The following ENTPD3 variants were observed in gnomAD, a reference collection of about 807,000 sequenced individuals.
ENTPD3 encodes the protein CD39 antigen-like 3.
In ENTPD3, 60 loss-of-function variants were observed where a neutral mutation model predicts 51.2. The ratio of observed to expected loss-of-function variants is 1.17; its 90% confidence interval spans 0.95 to 1.45. ENTPD3 has a LOEUF of 1.45. Among genes scored for constraint, ENTPD3 ranks in the 40% most tolerant of loss-of-function variants. The probability of loss-of-function intolerance (pLI) is 0.00; values close to 1 mark genes in which losing one functional copy is unlikely to be tolerated. For synonymous variants in ENTPD3, 221 were observed against 238.4 expected (o/e 0.93, Z 0.67); for missense variants, 593 against 641.1 (o/e 0.93, Z 0.81).
At chr3:40,409,201 G>A (rs1026386132) in intron 4 of ENTPD3, among the ~76,000 whole-genome samples, 1 of 151,966 alleles carries the variant, frequency 6.6e-6, no homozygotes, top group Admixed American at 6.6e-5. Flanking sequence ...GTAGTGAGCC[G>A]AGATCATGCC....
intron 3 of ENTPD3, among the ~76,000 whole-genome samples, chr3:40,398,695 G>C (rs1024386293): frequency 6.6e-6 from 1 of 152,124 alleles, no homozygotes; most frequent in African/African-American, 2.4e-5. Context: ...ATAATGGAGA[G>C]GCTATGATTC....
In ENTPD3 at chr3:40,428,136, A is replaced by C. The variant is rs1281551221; in HGVS notation, c.*628A>C. Reference sequence around the variant, plus strand: ...CCAGAAAACTATAGACCATTCTCCAAGTGGAATTCCCACTTAGGGCTCTGG... The same window carrying C: ...CCAGAAAACTATAGACCATTCTCCACGTGGAATTCCCACTTAGGGCTCTGG... On this transcript the variant is annotated 3_prime_UTR_variant, in exon 11 of 11. Transcript: ENST00000301825. 1 of 153,970 alleles carries C rather than the reference A, an allele frequency of 6.5e-6. No individual in the cohort carries two copies. Among genetic ancestry groups the C allele is most frequent in the African/African-American group, 2.4e-5 (1 of 41,448 alleles). The allele number at this position is 153,970 out of a possible 1,614,324, so 9.5% of individuals were successfully genotyped here. A position where few individuals can be genotyped will look rare whatever the true frequency, so the allele number is the denominator to read the frequency against.
At chr3:40,423,793 T>C in intron 9 of ENTPD3, 33 bp from the exon 10 acceptor site, 2 of 1,609,394 alleles carry the variant, frequency 1.2e-6, no homozygotes, top group Non-Finnish European at 1.7e-6. Flanking sequence ...CATACCTGCC[T>C]GCCCTGCCTC....
At chr3:40,420,526 AC>A (rs1955845581) in intron 7 of ENTPD3, among the ~76,000 whole-genome samples, 1 of 152,076 alleles carries the variant, frequency 6.6e-6, no homozygotes, top group South Asian at 2.1e-4. Flanking sequence ...CGTGTGAGCC[AC>A]CACGCCCCGC....
At chr3:40,404,907 C>T (rs572535361) in intron 4 of ENTPD3, among the ~76,000 whole-genome samples, 1 of 152,298 alleles carries the variant, frequency 6.6e-6, no homozygotes, top group South Asian at 2.1e-4. Context: ...TATCAACCCC[C>T]AGTTGCTACT....
intron 3 of ENTPD3, 80 bp downstream of exon 3, chr3:40,392,230 A>G (rs2125587523): frequency 6.5e-7 from 1 of 1,532,110 alleles, no homozygotes; most frequent in East Asian, 2.3e-5. Context: ...ACCATGAGTT[A>G]GAAGAGCAGA....
At chr3:40,424,863 G>T in intron 10 of ENTPD3, 1 of 689,410 alleles carries the variant, frequency 1.5e-6, no homozygotes, top group South Asian at 1.5e-5. Context: ...TCCTGCATTA[G>T]GCCTCTGACT....
In ENTPD3 at chr3:40,410,703, G is replaced by A. The variant is rs540069484; in HGVS notation, c.287-1109G>A. 1.6e-4 allele frequency among the ~76,000 whole-genome samples: 24 copies of A among 152,120 alleles called. No homozygotes were observed. The South Asian group carries it at 4.6e-3, about 29-fold the overall frequency. On this transcript the variant is annotated intron_variant, in intron 4 of 10. Transcript: ENST00000301825. ...TTAATTGAACTATGAGGGTACAATC[G>A]ACAAACTCTAGACTGTGGAAATTCT... is the stretch of plus-strand genomic sequence containing the variant.
chr3:40,406,332 G>A (rs1306603689), intron 4 of ENTPD3, among the ~76,000 whole-genome samples: 2 of 152,168 alleles, frequency 1.3e-5, no homozygotes, highest in African/African-American at 2.4e-5. Context: ...GAAGAAAGAT[G>A]AGAAATGAGA....
intron 10 of ENTPD3, chr3:40,425,093 A>G (rs1575236313): frequency 4.2e-6 from 1 of 236,394 alleles, no homozygotes; most frequent in East Asian, 8.9e-5. Context: ...AATTATAAAG[A>G]ATTTTGTGTC....
Position 40,423,081 on chromosome 3 carries a change from T to C in ENTPD3, c.1063T>C (p.Phe355Leu). The C allele has an allele frequency of 6.2e-7, 1 of 1,614,008 alleles. No individual in the cohort carries two copies. Among genetic ancestry groups the C allele is most frequent in the Non-Finnish European group, 8.5e-7 (1 of 1,179,932 alleles). ...KACHDQETCS[F>L]DGVYQPKIKG... is the part of the protein sequence containing the mutation. The stretch of plus-strand genomic sequence containing the variant: ...TTGCCATGATCAAGAAACCTGTTCT[T>C]TTGATGGGGTTTATCAGCCAAAGAT... Residue 355 changes from phenylalanine (F) to leucine (L), a missense_variant, in exon 8 of 11, where the codon TTT becomes CTT. Coordinates refer to ENST00000301825, the MANE Select transcript of ENTPD3 (RefSeq NM_001248.4).
intron 7 of ENTPD3, among the ~76,000 whole-genome samples, chr3:40,421,759 G>A (rs184134426): frequency 4.7e-4 from 72 of 152,194 alleles, no homozygotes; most frequent in African/African-American, 1.3e-3. Flanking sequence ...GAAAAGCAAC[G>A]GGTAGAATGG....
At chr3:40,402,635 A>G (rs1343501483) in intron 4 of ENTPD3, among the ~76,000 whole-genome samples, 1 of 152,064 alleles carries the variant, frequency 6.6e-6, no homozygotes, top group Non-Finnish European at 1.5e-5. Context: ...TTATCATATT[A>G]TTGCTAATAC....
At position 40,427,304 on chromosome 3, in the gene ENTPD3, C is replaced by G. The variant is rs1202564884; in HGVS notation, c.1386C>G (p.Gly462=). ...ATAGCAGCATAGCCTGGTCTCTTGG[C>G]TACATGCTCAGCCTGACCAACCAGA... ...VGNSSIAWSL[G]YMLSLTNQIP... is the part of the protein sequence containing the mutation. Residue 462 remains glycine (G), a synonymous_variant, in exon 11 of 11, where the codon GGC becomes GGG. Coordinates refer to ENST00000301825, the MANE Select transcript of ENTPD3 (RefSeq NM_001248.4). The G allele has an allele frequency of 1.9e-6, 3 of 1,614,040 alleles. No individual in the cohort carries two copies. The highest frequency in any genetic ancestry group is 3.3e-5 in the Admixed American group (2 of 59,998).
At chr3:40,392,201 A>C in intron 3 of ENTPD3, 51 bp downstream of exon 3, 1 of 1,594,104 alleles carries the variant, frequency 6.3e-7, no homozygotes, top group South Asian at 1.1e-5. Context: ...ATAAAGGGGA[A>C]GAAATCAATT....
Position 40,427,384 on chromosome 3 carries a change from G to A in ENTPD3, c.1466G>A (p.Gly489Asp), listed in dbSNP as rs1312920509. 3.7e-6 allele frequency: 6 copies of A among 1,613,928 alleles called. No individual in the cohort carries two copies. In the Admixed American group the frequency reaches 5.0e-5, roughly 13 times the overall value. Residue 489 changes from glycine to aspartate, a missense_variant, in exon 11 of 11, where the codon GGC (glycine) becomes GAC (aspartate). Transcript: ENST00000301825. Reference protein sequence around the residue: ...RLPIEPPVFVGTLAFFTAAAL... With the variant: ...RLPIEPPVFVDTLAFFTAAAL... ...CCCATAGAACCACCTGTCTTTGTGG[G>A]CACCCTCGCTTTCTTCACAGCGGCA...
At chr3:40,418,883 A>G (rs1377756184) in intron 7 of ENTPD3, among the ~76,000 whole-genome samples, 1 of 152,142 alleles carries the variant, frequency 6.6e-6, no homozygotes, top group Non-Finnish European at 1.5e-5. Flanking sequence ...AGAGCATAAT[A>G]TTCCAAGTGC....
chr3:40,397,115 G>GTGTCTTTT (rs1955220587), intron 3 of ENTPD3, among the ~76,000 whole-genome samples: 1 of 23,880 alleles, frequency 4.2e-5, no homozygotes, highest in Non-Finnish European at 9.7e-5. Flanking sequence ...TGGATAATTA[G>GTGTCTTTT]TTTCTTTTTT....
chr3:40,424,794 G>T (rs184032751), intron 10 of ENTPD3: 1 of 701,948 alleles, frequency 1.4e-6, no homozygotes, highest in East Asian at 2.7e-5. Flanking sequence ...CCTGAAGGAT[G>T]TCTGGAGTCA....
Sources: gnomAD v4.1 joint callset for allele counts (sites outside exome capture counted in the v4.1 genomes callset) on GRCh38, gnomAD v4.1.1 for gene constraint, MANE v1.5 for transcripts, NCBI Gene and HGNC (gene_info 2026-07-23, HGNC 2026-07-21) for gene names.